TFEC: variants seen among roughly 807,000 people sequenced by gnomAD.
TFEC encodes transcription factor EC.
In TFEC, 31 loss-of-function variants were observed where a neutral mutation model predicts 41.6. The observed-to-expected ratio is 0.74, with a 90% CI of 0.56 to 1.01. The LOEUF (loss-of-function observed/expected upper bound fraction) is 1.01, where lower values mean the gene tolerates loss of function less well. Among genes scored for constraint, TFEC ranks in the 50% least tolerant of loss-of-function variants. TFEC has a pLI of 0.00. For synonymous variants in TFEC, 143 were observed against 140.6 expected (o/e 1.02, Z -0.12); for missense variants, 402 against 404.1 (o/e 0.99, Z 0.04).
rs1321515136 is a variant in TFEC, at chr7:115,937,866, C to T, written c.*2685G>A. On this transcript the variant is annotated 3_prime_UTR_variant, in exon 8 of 8. Transcript: ENST00000265440. ...GCATGTGAATTATTGTCCATATAAA[C>T]AGTTCTATACTTTTCTAGGGAGAGG... 6.6e-6 allele frequency: 1 copy of T among 151,792 alleles called. No homozygotes were observed. Among genetic ancestry groups the T allele is most frequent in the African/African-American group, 2.4e-5 (1 of 41,402 alleles). The allele number at this position is 151,792 out of a possible 1,614,324, so 9.4% of individuals were successfully genotyped here.
chr7:116,089,440 G>A (rs1361757711), intron 3 of TFEC, among the ~76,000 whole-genome samples: 1 of 152,064 alleles, frequency 6.6e-6, no homozygotes, highest in East Asian at 1.9e-4. Flanking sequence ...TTGACCAGGA[G>A]ACCATTAAAA....
At chr7:116,117,880 C>T (rs535635156) in intron 1 of TFEC, among the ~76,000 whole-genome samples, 3 of 151,952 alleles carry the variant, frequency 2.0e-5, no homozygotes, top group African/African-American at 7.2e-5. Flanking sequence ...TAGGCAAGAA[C>T]ATTGCTCTAA....
intron 1 of TFEC, among the ~76,000 whole-genome samples, chr7:115,990,341 C>G (rs1431001777): frequency 6.6e-6 from 1 of 152,202 alleles, no homozygotes; most frequent in Non-Finnish European, 1.5e-5. Flanking sequence ...AGGAGCGCGG[C>G]TCCTCACCAG....
At chr7:116,077,487 C>CTATG (rs1796986191) in intron 3 of TFEC, among the ~76,000 whole-genome samples, 2 of 151,976 alleles carry the variant, frequency 1.3e-5, no homozygotes, top group South Asian at 4.1e-4. Context: ...AATGGCTGAA[C>CTATG]GGATAAGAAT....
chr7:116,124,149 A>C (rs1798164206), intron 1 of TFEC, among the ~76,000 whole-genome samples: 1 of 152,108 alleles, frequency 6.6e-6, no homozygotes, highest in Admixed American at 6.6e-5. Flanking sequence ...TTATCTCCCA[A>C]AATGCCAGGA....
At chr7:116,044,251 C>A (rs1327883091) in intron 3 of TFEC, among the ~76,000 whole-genome samples, 1 of 152,184 alleles carries the variant, frequency 6.6e-6, no homozygotes, top group East Asian at 1.9e-4. Flanking sequence ...TTCGTCATGG[C>A]CAGAGCAAGT....
chr7:116,061,139 G>T (rs1175594824), intron 3 of TFEC, among the ~76,000 whole-genome samples: 1 of 152,042 alleles, frequency 6.6e-6, no homozygotes, highest in African/African-American at 2.4e-5. Flanking sequence ...ATATGGAAAT[G>T]GAAAAGATGT....
intron 6 of TFEC, among the ~76,000 whole-genome samples, chr7:115,942,541 T>C (rs894435028): frequency 2.6e-5 from 4 of 152,040 alleles, no homozygotes; most frequent in East Asian, 3.9e-4. Context: ...TCCTGAGCAA[T>C]TGTGAAACAA....
At chr7:116,143,385 G>C (rs1191959545) in intron 1 of TFEC, among the ~76,000 whole-genome samples, 2 of 152,066 alleles carry the variant, frequency 1.3e-5, no homozygotes, top group African/African-American at 4.8e-5. Context: ...TCAATACAGA[G>C]AGGTTGTCAT....
At chr7:116,051,155 G>T (rs1796302193) in intron 3 of TFEC, among the ~76,000 whole-genome samples, 1 of 152,160 alleles carries the variant, frequency 6.6e-6, no homozygotes, top group South Asian at 2.1e-4. Context: ...CTTGGGGTTG[G>T]GGGAAGGGGG....
At chr7:115,981,458 T>C (rs953020439) in intron 2 of TFEC, among the ~76,000 whole-genome samples, 1 of 152,144 alleles carries the variant, frequency 6.6e-6, no homozygotes, top group Non-Finnish European at 1.5e-5. Flanking sequence ...GAAATATTAT[T>C]GAAATAAGGG....
At chr7:115,982,051 T>A (rs1793654607) in intron 2 of TFEC, among the ~76,000 whole-genome samples, 1 of 152,194 alleles carries the variant, frequency 6.6e-6, no homozygotes, top group Admixed American at 6.5e-5. Flanking sequence ...ACATTTCATC[T>A]TAAAGATTTT....
chr7:116,094,924 T>C (rs942303256), intron 3 of TFEC, among the ~76,000 whole-genome samples: 4 of 152,218 alleles, frequency 2.6e-5, no homozygotes, highest in Non-Finnish European at 5.9e-5. Context: ...CATTCGATGT[T>C]AATTAAACTT....
intron 3 of TFEC, among the ~76,000 whole-genome samples, chr7:116,049,408 T>A (rs975765341): frequency 6.6e-5 from 10 of 152,140 alleles, no homozygotes; most frequent in African/African-American, 2.4e-4. Context: ...GGTAAAGGGA[T>A]CAATTCAACA....
chr7:116,126,106 C>G (rs1298152079), intron 1 of TFEC, among the ~76,000 whole-genome samples: 1 of 151,656 alleles, frequency 6.6e-6, no homozygotes, highest in Non-Finnish European at 1.5e-5. Flanking sequence ...GAATTTAAGC[C>G]AAGCAGTATA....
At chr7:115,969,879 T>C (rs1329257222) in intron 3 of TFEC, among the ~76,000 whole-genome samples, 3 of 151,864 alleles carry the variant, frequency 2.0e-5, no homozygotes, top group African/African-American at 7.3e-5. Flanking sequence ...TAGATGTGAG[T>C]ATGGGAGTAA....
At chr7:115,981,059 G>C (rs1793609163) in intron 2 of TFEC, among the ~76,000 whole-genome samples, 1 of 151,984 alleles carries the variant, frequency 6.6e-6, no homozygotes, top group African/African-American at 2.4e-5. Flanking sequence ...AGATCTAATT[G>C]ATACAGTCCC....
At chr7:116,155,643 C>T (rs1798855221) in intron 1 of TFEC, among the ~76,000 whole-genome samples, 1 of 152,180 alleles carries the variant, frequency 6.6e-6, no homozygotes, top group Non-Finnish European at 1.5e-5. Flanking sequence ...TATGCACTTG[C>T]TTTTAGCAGC....
chr7:116,021,212 G>A (rs528294010), intron 1 of TFEC, among the ~76,000 whole-genome samples: 1 of 152,222 alleles, frequency 6.6e-6, no homozygotes, highest in Admixed American at 6.5e-5. Context: ...TTTTGTTTGG[G>A]ATTTGTTTTT....
Sources: allele counts gnomAD v4.1 joint callset (sites outside exome capture counted in the v4.1 genomes callset), GRCh38; gene constraint gnomAD v4.1.1; transcripts MANE v1.5; gene names NCBI Gene and HGNC (gene_info 2026-07-23, HGNC 2026-07-21).